The following NSMAF variants were observed in gnomAD, a reference collection of about 807,000 sequenced individuals.
NSMAF encodes the protein protein FAN.
Under a neutral mutation model 134.9 loss-of-function variants are expected in NSMAF, and 90 were observed. The observed-to-expected ratio is 0.67, with a 90% CI of 0.56 to 0.79. The LOEUF (loss-of-function observed/expected upper bound fraction) is 0.79, where lower values mean the gene tolerates loss of function less well. Among genes scored for constraint, NSMAF ranks in the 30% least tolerant of loss-of-function variants. The pLI is 0.00. For missense variants in NSMAF, 1,010 were observed against 1,119.0 expected, an observed-to-expected ratio of 0.90 and a Z score of 1.39; for synonymous variants, 358 against 389.6, an observed-to-expected ratio of 0.92 and a Z score of 0.96.
At position 58,595,793 on chromosome 8, in the gene NSMAF, A is replaced by T. The variant is rs1585729364; in HGVS notation, c.1793-134T>A. The T allele has an allele frequency of 7.9e-6, 5 of 630,172 alleles. No homozygotes were observed. The East Asian group carries it at 1.4e-4, about 18-fold the overall frequency. The allele number at this position is 630,172 out of a possible 1,614,324, so 39.0% of individuals were successfully genotyped here. ...CCCTGTCACAATATAACTGCTTTGA[A>T]ATGTACCTGTTAGATGGTTCCACGT... On this transcript the variant is annotated intron_variant, in intron 21 of 30. Transcript: ENST00000038176.
intron 2 of NSMAF, among the ~76,000 whole-genome samples, chr8:58,636,022 G>A (rs1233097902): frequency 2.0e-5 from 3 of 152,148 alleles, no homozygotes; most frequent in Non-Finnish European, 4.4e-5. Context: ...TTATGATTTA[G>A]TTTGCAATTC....
At position 58,609,706 on chromosome 8, in the gene NSMAF, G is replaced by C. The variant is rs1368450671; in HGVS notation, c.585C>G (p.His195Gln). 1 of 1,614,132 alleles carries C rather than the reference G, an allele frequency of 6.2e-7. No individual in the cohort carries two copies. The highest frequency in any genetic ancestry group is 2.2e-5 in the East Asian group (1 of 44,878). The change falls in exon 10 of 31, where the codon CAC becomes CAG. Residue 195 changes from histidine (H) to glutamine (Q), a missense_variant. Transcript: ENST00000038176. ...NRFQNISEKL[H>Q]MECKAEMVTP... The stretch of plus-strand genomic sequence containing the variant: ...TCACCATTTCTGCTTTGCATTCCAT[G>C]TGCAGCTTTTCAGAAATGTTTTGGA...
chr8:58,599,430 A>G (rs1806222368), intron 18 of NSMAF, 67 bp from the exon 19 acceptor site: 2 of 1,533,282 alleles, frequency 1.3e-6, no homozygotes, highest in South Asian at 1.2e-5. Context: ...TCTCTTGTCT[A>G]TCTATATGTA....
At chr8:58,587,530 C>CA in intron 27 of NSMAF, 88 bp downstream of exon 27, 2 of 1,015,458 alleles carry the variant, frequency 2.0e-6, no homozygotes, top group Non-Finnish European at 3.0e-6. Context: ...TAAAGCAAAA[C>CA]AACATGAACA....
intron 28 of NSMAF, 23 bp downstream of exon 28, chr8:58,586,435 G>A (rs1563521583): frequency 1.3e-6 from 2 of 1,584,836 alleles, no homozygotes; most frequent in Non-Finnish European, 1.7e-6. Context: ...AGTATTATCT[G>A]TTTTAAAAAG....
At chr8:58,646,801 C>T (rs938401911) in intron 1 of NSMAF, among the ~76,000 whole-genome samples, 2 of 152,008 alleles carry the variant, frequency 1.3e-5, no homozygotes, top group Non-Finnish European at 2.9e-5. Flanking sequence ...GGTATTGTAT[C>T]TGACTGTAAA....
Position 58,607,842 on chromosome 8 carries a change from T to C in NSMAF, c.688-2A>G. The stretch of plus-strand genomic sequence containing the variant: ...GAGTGTTATCTGGACCACAGGTTTC[T>C]TTAAAAGTAGAAAGACAATCTCAAA... On this transcript the variant is annotated splice_acceptor_variant, in intron 10 of 30. Transcript: ENST00000038176. LOFTEE classifies it high-confidence loss of function. The C allele has an allele frequency of 6.2e-7, 1 of 1,612,988 alleles. No homozygotes were observed. Among genetic ancestry groups the C allele is most frequent in the Non-Finnish European group, 8.5e-7 (1 of 1,178,902 alleles).
intron 2 of NSMAF, among the ~76,000 whole-genome samples, chr8:58,640,294 T>C (rs1379798749): frequency 1.3e-5 from 2 of 152,194 alleles, no homozygotes; most frequent in Non-Finnish European, 2.9e-5. Context: ...AAACATCAAA[T>C]TGTATACCCT....
At chr8:58,613,007 T>A (rs1042132951) in intron 9 of NSMAF, among the ~76,000 whole-genome samples, 8 of 152,120 alleles carry the variant, frequency 5.3e-5, no homozygotes, top group African/African-American at 1.9e-4. Flanking sequence ...AAAATAAATA[T>A]CTTCTTCTTA....
intron 10 of NSMAF, 127 bp downstream of exon 10, chr8:58,609,477 G>A (rs1026670403): frequency 1.3e-5 from 11 of 858,756 alleles, no homozygotes; most frequent in Admixed American, 2.3e-5. Context: ...GATGCTGCCT[G>A]TGAAGGGGGT....
At chr8:58,598,523 GA>G (rs1297648305) in intron 19 of NSMAF, among the ~76,000 whole-genome samples, 1 of 144,544 alleles carries the variant, frequency 6.9e-6, no homozygotes, top group Non-Finnish European at 1.5e-5. Context: ...AAAAAAAAAA[GA>G]AAAGAAAAGG....
chr8:58,603,463 A>G (rs1806334132), intron 12 of NSMAF, 77 bp from the exon 13 acceptor site: 3 of 1,359,852 alleles, frequency 2.2e-6, no homozygotes, highest in African/African-American at 2.9e-5. Context: ...CTTAACGTGT[A>G]GACCATCCCT....
intron 2 of NSMAF, among the ~76,000 whole-genome samples, chr8:58,639,498 GCT>G (rs1807281455): frequency 1.3e-5 from 2 of 152,170 alleles, no homozygotes; most frequent in Non-Finnish European, 2.9e-5. Flanking sequence ...CTTATATACT[GCT>G]GGTGGGAATA....
At chr8:58,629,749 G>T (rs1236102367) in intron 6 of NSMAF, among the ~76,000 whole-genome samples, 1 of 152,194 alleles carries the variant, frequency 6.6e-6, no homozygotes, top group African/African-American at 2.4e-5. Context: ...CTTTTCTATG[G>T]AAGTGTCTTC....
intron 1 of NSMAF, chr8:58,659,361 CG>C: frequency 6.6e-7 from 1 of 1,525,196 alleles, no homozygotes; most frequent in Non-Finnish European, 8.8e-7. Flanking sequence ...TTCCTGTCCC[CG>C]GCAGGCTCCG....
chr8:58,596,655 C>T (rs956161791), intron 21 of NSMAF, among the ~76,000 whole-genome samples: 1 of 152,100 alleles, frequency 6.6e-6, no homozygotes, highest in African/African-American at 2.4e-5. Flanking sequence ...TGGGGCCGAG[C>T]GCGGTGGCTC....
intron 9 of NSMAF, among the ~76,000 whole-genome samples, chr8:58,613,666 T>G (rs1266943696): frequency 1.3e-5 from 2 of 152,214 alleles, no homozygotes; most frequent in Non-Finnish European, 2.9e-5. Context: ...CATAAAATTA[T>G]AATACCTTAT....
At chr8:58,654,221 AC>A (rs1024879793) in intron 1 of NSMAF, among the ~76,000 whole-genome samples, 2 of 152,260 alleles carry the variant, frequency 1.3e-5, no homozygotes, top group Non-Finnish European at 2.9e-5. Context: ...AAACCGAAGT[AC>A]CACAATCACT....
At chr8:58,649,011 C>A (rs760140607) in intron 1 of NSMAF, among the ~76,000 whole-genome samples, 66 of 152,228 alleles carry the variant, frequency 4.3e-4, no homozygotes, top group Non-Finnish European at 6.2e-4. Context: ...GTAGAGCCAT[C>A]AGCAACTTGC....
Sources: allele counts gnomAD v4.1 joint callset (sites outside exome capture counted in the v4.1 genomes callset), GRCh38; gene constraint gnomAD v4.1.1; transcripts MANE v1.5; gene names NCBI Gene and HGNC (gene_info 2026-07-23, HGNC 2026-07-21).